AGBL4: variants seen among roughly 807,000 people sequenced by gnomAD.
AGBL4 encodes the protein AGBL carboxypeptidase 4, also known as cytosolic carboxypeptidase 6.
AGBL4 carries 58 observed loss-of-function variants against 66.4 expected under a neutral mutation model. The ratio of observed to expected loss-of-function variants is 0.87; its 90% CI spans 0.71 to 1.09. The LOEUF is 1.09. Ranked by LOEUF, AGBL4 falls within the 50% of genes least tolerant of loss-of-function variation. The pLI is 0.00. For synonymous variants in AGBL4, 234 were observed against 222.9 expected (o/e 1.05, Z -0.44); for missense variants, 579 against 631.0 (o/e 0.92, Z 0.88).
intron 4 of AGBL4, among the ~76,000 whole-genome samples, chr1:49,225,915 A>C (rs1194768283): frequency 6.6e-6 from 1 of 152,214 alleles, no homozygotes; most frequent in Non-Finnish European, 1.5e-5. Context: ...AACTAGATTC[A>C]CATCAGTACA....
At chr1:49,031,368 T>C (rs1664213659) in intron 5 of AGBL4, among the ~76,000 whole-genome samples, 2 of 152,024 alleles carry the variant, frequency 1.3e-5, no homozygotes, top group Admixed American at 1.3e-4. Context: ...TGTGAGGTGA[T>C]GGATATGCAA....
chr1:48,967,696 G>T (rs1435575134), intron 5 of AGBL4, among the ~76,000 whole-genome samples: 1 of 152,084 alleles, frequency 6.6e-6, no homozygotes, highest in Non-Finnish European at 1.5e-5. Flanking sequence ...GTAGGAAATG[G>T]GTAGAAAGGC....
intron 2 of AGBL4, among the ~76,000 whole-genome samples, chr1:49,698,587 A>G (rs1234675370): frequency 6.6e-6 from 1 of 152,056 alleles, no homozygotes; most frequent in Non-Finnish European, 1.5e-5. Context: ...AATTCAAGGA[A>G]CCTGGCTCTA....
chr1:49,943,736 C>A (rs905758354), intron 1 of AGBL4, among the ~76,000 whole-genome samples: 23 of 150,796 alleles, frequency 1.5e-4, no homozygotes, highest in African/African-American at 9.7e-5. Context: ...AAAAAAAAAA[C>A]CTCCAGCAGA....
At chr1:49,201,999 T>A (rs911473927) in intron 4 of AGBL4, among the ~76,000 whole-genome samples, 3 of 151,914 alleles carry the variant, frequency 2.0e-5, no homozygotes, top group Non-Finnish European at 2.9e-5. Flanking sequence ...TTCATTATAG[T>A]AACAACCAAC....
At chr1:49,685,117 T>C (rs983166076) in intron 3 of AGBL4, among the ~76,000 whole-genome samples, 1 of 152,200 alleles carries the variant, frequency 6.6e-6, no homozygotes, top group African/African-American at 2.4e-5. Flanking sequence ...TGTCCACATG[T>C]ATTCAATATT....
At chr1:49,682,255 A>T (rs949039737) in intron 3 of AGBL4, among the ~76,000 whole-genome samples, 1 of 151,988 alleles carries the variant, frequency 6.6e-6, no homozygotes, top group Non-Finnish European at 1.5e-5. Context: ...AAAATACAAA[A>T]ATTATCTGGG....
chr1:48,593,226 G>A (rs901441825), intron 9 of AGBL4, among the ~76,000 whole-genome samples: 2 of 152,128 alleles, frequency 1.3e-5, no homozygotes, highest in African/African-American at 2.4e-5. Context: ...AAACACACAA[G>A]TGGTAGCACC....
At chr1:49,650,211 TG>T (rs1346744397) in intron 3 of AGBL4, among the ~76,000 whole-genome samples, 1 of 151,854 alleles carries the variant, frequency 6.6e-6, no homozygotes, top group Non-Finnish European at 1.5e-5. Context: ...ATGATCTGAG[TG>T]GAAAGCTGAA....
At chr1:49,300,318 A>ATC (rs1260632803) in intron 3 of AGBL4, among the ~76,000 whole-genome samples, 1 of 152,176 alleles carries the variant, frequency 6.6e-6, no homozygotes, top group East Asian at 1.9e-4. Flanking sequence ...TAGTTATTAA[A>ATC]TCTCAGCAGA....
At chr1:49,375,618 T>C (rs1330618107) in intron 3 of AGBL4, among the ~76,000 whole-genome samples, 2 of 152,090 alleles carry the variant, frequency 1.3e-5, no homozygotes, top group Non-Finnish European at 2.9e-5. Context: ...AATGGCCTCA[T>C]CTTAATGAAA....
intron 4 of AGBL4, among the ~76,000 whole-genome samples, chr1:49,109,556 G>A (rs532493595): frequency 9.9e-5 from 15 of 152,244 alleles, no homozygotes; most frequent in Middle Eastern, 3.4e-3. Context: ...AGTTTTGCAA[G>A]TAAAATGAAT....
chr1:49,874,578 T>C (rs932675005), intron 1 of AGBL4, among the ~76,000 whole-genome samples: 5 of 152,100 alleles, frequency 3.3e-5, no homozygotes, highest in Admixed American at 6.6e-5. Context: ...TTGAAAAAAG[T>C]AGAATTACCT....
chr1:49,772,714 G>C (rs528069700), intron 2 of AGBL4, among the ~76,000 whole-genome samples: 9 of 152,222 alleles, frequency 5.9e-5, no homozygotes, highest in African/African-American at 1.9e-4. Context: ...TGAGAACTCT[G>C]CTGACAATCT....
At chr1:49,485,374 G>A (rs372393152) in intron 3 of AGBL4, among the ~76,000 whole-genome samples, 1 of 142,702 alleles carries the variant, frequency 7.0e-6, no homozygotes, top group African/African-American at 2.6e-5. Context: ...ACCAAACACC[G>A]CATGTTCTCA....
intron 5 of AGBL4, among the ~76,000 whole-genome samples, chr1:49,012,458 A>C (rs1464383202): frequency 6.6e-6 from 1 of 152,238 alleles, no homozygotes; most frequent in Non-Finnish European, 1.5e-5. Context: ...ACTGTGGTAC[A>C]TACTTAACAT....
intron 5 of AGBL4, among the ~76,000 whole-genome samples, chr1:48,967,365 T>C (rs2148948482): frequency 6.6e-6 from 1 of 152,284 alleles, no homozygotes; most frequent in African/African-American, 2.4e-5. Context: ...CATTCTACAC[T>C]TAACTCAAAA....
intron 3 of AGBL4, among the ~76,000 whole-genome samples, chr1:49,643,390 G>A (rs1002817589): frequency 2.0e-5 from 3 of 151,346 alleles, no homozygotes; most frequent in Non-Finnish European, 4.4e-5. Flanking sequence ...AGTTCACAAA[G>A]GAAATGGAAG....
chr1:48,677,092 G>A (rs1356115822), intron 6 of AGBL4, among the ~76,000 whole-genome samples: 10 of 152,318 alleles, frequency 6.6e-5, no homozygotes, highest in Non-Finnish European at 2.9e-5. Context: ...AGAAGCCCCA[G>A]TAAGTGGCTG....
Sources: gnomAD v4.1 joint callset for allele counts (sites outside exome capture counted in the v4.1 genomes callset) on GRCh38, gnomAD v4.1.1 for gene constraint, MANE v1.5 for transcripts, NCBI Gene and HGNC (gene_info 2026-07-23, HGNC 2026-07-21) for gene names.